The following DDX10 variants were observed in gnomAD, a reference collection of about 807,000 sequenced individuals.
The protein encoded by DDX10 is DEAD-box helicase 10, also known as probable ATP-dependent RNA helicase DDX10.
Under a neutral mutation model 104.3 loss-of-function variants are expected in DDX10, and 74 were observed. That is an observed-to-expected ratio of 0.71 (90% CI 0.59 to 0.86). The LOEUF (loss-of-function observed/expected upper bound fraction) is 0.86, where lower values mean the gene tolerates loss of function less well. Among genes scored for constraint, DDX10 ranks in the 40% least tolerant of loss-of-function variants. The probability of loss-of-function intolerance (pLI) is 0.00; values close to 1 mark genes in which losing one functional copy is unlikely to be tolerated. For synonymous variants in DDX10, 351 were observed against 353.4 expected (o/e 0.99, Z 0.08); for missense variants, 952 against 1,040.0 (o/e 0.92, Z 1.16).
intron 13 of DDX10, among the ~76,000 whole-genome samples, chr11:108,819,906 G>T (rs372707139): frequency 2.0e-5 from 3 of 152,164 alleles, no homozygotes; most frequent in African/African-American, 7.2e-5. Flanking sequence ...AGCCCCATAC[G>T]CCTATTTCTG....
At chr11:108,673,956 G>A (rs2094220493) in intron 2 of DDX10, among the ~76,000 whole-genome samples, 1 of 152,216 alleles carries the variant, frequency 6.6e-6, no homozygotes, top group Non-Finnish European at 1.5e-5. Context: ...AATAAGGGAA[G>A]GATTTGTTCC....
chr11:108,700,196 A>C (rs1217154820), intron 9 of DDX10, among the ~76,000 whole-genome samples: 1 of 152,148 alleles, frequency 6.6e-6, no homozygotes, highest in Non-Finnish European at 1.5e-5. Context: ...CCCCTGTACC[A>C]CACAAAGAAC....
chr11:108,897,059 G>A (rs1287758812), intron 16 of DDX10, among the ~76,000 whole-genome samples: 1 of 151,870 alleles, frequency 6.6e-6, no homozygotes, highest in African/African-American at 2.4e-5. Context: ...TAACATTCCT[G>A]GCTTTTTAAC....
chr11:108,677,516 T>C (rs981258214), intron 4 of DDX10, among the ~76,000 whole-genome samples: 2 of 151,966 alleles, frequency 1.3e-5, no homozygotes, highest in African/African-American at 4.8e-5. Flanking sequence ...TTTGTTGATA[T>C]TCATTGGGAA....
intron 16 of DDX10, among the ~76,000 whole-genome samples, chr11:108,864,151 A>C (rs1862975918): frequency 1.3e-5 from 2 of 152,176 alleles, no homozygotes; most frequent in South Asian, 4.1e-4. Context: ...GTGAGCCATG[A>C]TTAATTAGCA....
At chr11:108,838,683 C>T (rs992914951) in intron 14 of DDX10, 118 bp downstream of exon 14, 5 of 1,164,498 alleles carry the variant, frequency 4.3e-6, no homozygotes, top group African/African-American at 1.6e-5. Flanking sequence ...GCATGCTGGG[C>T]CATTCCTTTC....
chr11:108,702,961 T>C (rs535389364), intron 9 of DDX10, among the ~76,000 whole-genome samples: 53 of 152,360 alleles, frequency 3.5e-4, no homozygotes, highest in African/African-American at 1.2e-3. Flanking sequence ...ATGTTTTTCA[T>C]AAATTTGGAA....
intron 13 of DDX10, among the ~76,000 whole-genome samples, chr11:108,812,053 G>A (rs951789145): frequency 6.6e-6 from 1 of 152,094 alleles, no homozygotes; most frequent in African/African-American, 2.4e-5. Context: ...ATATAAGCAA[G>A]TTACTGTGTT....
intron 17 of DDX10, among the ~76,000 whole-genome samples, chr11:108,939,290 T>C (rs1864074322): frequency 6.6e-6 from 1 of 152,216 alleles, no homozygotes; most frequent in Non-Finnish European, 1.5e-5. Context: ...GGATTCAGTA[T>C]CATTCATATC....
At chr11:108,894,747 T>A (rs533784453) in intron 16 of DDX10, among the ~76,000 whole-genome samples, 55 of 152,126 alleles carry the variant, frequency 3.6e-4, no homozygotes, top group East Asian at 7.7e-4. Context: ...CATAAAAAAT[T>A]AAAGCCTTCA....
chr11:108,786,681 T>C (rs909867288), intron 13 of DDX10, among the ~76,000 whole-genome samples: 1 of 152,220 alleles, frequency 6.6e-6, no homozygotes, highest in Admixed American at 6.5e-5. Flanking sequence ...CTACTCCTGC[T>C]CTTTATTTTC....
chr11:108,865,212 T>A (rs1397147432), intron 16 of DDX10, among the ~76,000 whole-genome samples: 1 of 151,918 alleles, frequency 6.6e-6, no homozygotes, highest in Non-Finnish European at 1.5e-5. Context: ...ACTTAGAGGG[T>A]CCGACAGCCT....
intron 13 of DDX10, among the ~76,000 whole-genome samples, chr11:108,737,577 T>C (rs1047062114): frequency 9.2e-5 from 14 of 152,248 alleles, no homozygotes; most frequent in African/African-American, 3.4e-4. Flanking sequence ...AACTGGGCAC[T>C]GTAAATGTCC....
At chr11:108,694,017 T>C (rs937783322) in intron 9 of DDX10, among the ~76,000 whole-genome samples, 5 of 152,156 alleles carry the variant, frequency 3.3e-5, no homozygotes, top group African/African-American at 1.2e-4. Context: ...GACAGCTAAG[T>C]AACAAGTGGG....
intron 16 of DDX10, among the ~76,000 whole-genome samples, chr11:108,904,385 C>T (rs893844887): frequency 1.3e-5 from 2 of 152,168 alleles, no homozygotes; most frequent in Non-Finnish European, 2.9e-5. Flanking sequence ...GTTTTCCCCA[C>T]TATTTAGTGT....
At chr11:108,839,898 A>G (rs1410080257) in intron 14 of DDX10, among the ~76,000 whole-genome samples, 1 of 152,216 alleles carries the variant, frequency 6.6e-6, no homozygotes, top group African/African-American at 2.4e-5. Context: ...TTAGTATGCT[A>G]CTAAGTTTAA....
intron 13 of DDX10, among the ~76,000 whole-genome samples, chr11:108,816,978 A>G (rs140285637): frequency 6.6e-6 from 1 of 152,322 alleles, no homozygotes; most frequent in Non-Finnish European, 1.5e-5. Context: ...CAAAACTTGC[A>G]CAGTAAAGTC....
At chr11:108,877,729 C>A (rs758283456) in intron 16 of DDX10, among the ~76,000 whole-genome samples, 1 of 152,132 alleles carries the variant, frequency 6.6e-6, no homozygotes, top group Non-Finnish European at 1.5e-5. Context: ...TATGGGAATC[C>A]TGTGGAAGGC....
At chr11:108,679,177 T>C (rs145674225) in intron 5 of DDX10, among the ~76,000 whole-genome samples, 194 bp from the exon 6 acceptor site, 148 of 152,282 alleles carry the variant, frequency 9.7e-4, no homozygotes, top group Admixed American at 1.9e-3. Flanking sequence ...GTTAATGTCT[T>C]ACATGACATG....
Sources: allele counts gnomAD v4.1 joint callset (sites outside exome capture counted in the v4.1 genomes callset), GRCh38; gene constraint gnomAD v4.1.1; transcripts MANE v1.5; gene names NCBI Gene and HGNC (gene_info 2026-07-23, HGNC 2026-07-21).